AXDND1: variants seen among roughly 807,000 people sequenced by gnomAD.
AXDND1 encodes the protein axonemal dynein light chain domain-containing protein 1.
AXDND1 carries 110 observed loss-of-function variants against 137.5 expected under a neutral mutation model. The observed-to-expected ratio is 0.80, with a 90% CI of 0.69 to 0.94. The LOEUF (loss-of-function observed/expected upper bound fraction) is 0.94, where lower values mean the gene tolerates loss of function less well. Among genes scored for constraint, AXDND1 ranks in the 40% least tolerant of loss-of-function variants. The probability of loss-of-function intolerance (pLI) is 0.00; values close to 1 mark genes in which losing one functional copy is unlikely to be tolerated. For missense variants in AXDND1, 1,191 were observed against 1,169.8 expected (o/e 1.02, Z -0.26); for synonymous variants, 414 against 399.7 (o/e 1.04, Z -0.43).
At chr1:179,382,804 A>G in intron 7 of AXDND1, 48 bp downstream of exon 7, 1 of 1,370,874 alleles carries the variant, frequency 7.3e-7, no homozygotes, top group Non-Finnish European at 1.0e-6. Context: ...GAATACCTAT[A>G]TACATACACA....
chr1:179,382,591 A>T, intron 6 of AXDND1, 109 bp from the exon 7 acceptor site: 1 of 699,216 alleles, frequency 1.4e-6, no homozygotes. Context: ...CATTCCTTTT[A>T]GTGGAGAATG....
intron 16 of AXDND1, among the ~76,000 whole-genome samples, chr1:179,460,571 G>A (rs1019624642): frequency 1.3e-5 from 2 of 152,144 alleles, no homozygotes; most frequent in Admixed American, 6.5e-5. Context: ...ACCCAGCAAT[G>A]GAATGGCTGG....
chr1:179,368,780 C>T lies in AXDND1; in HGVS notation c.98-20C>T. The T allele has an allele frequency of 2.5e-6, 4 of 1,578,662 alleles. No individual in the cohort carries two copies. Among genetic ancestry groups the T allele is most frequent in the East Asian group, 4.5e-5 (2 of 44,648 alleles). Reference sequence around the variant, plus strand: ...AAAAAAATATATAGTAAGAGTTTTTCTTTTCCACTACTTACTTAGGACTTC... The same window carrying T: ...AAAAAAATATATAGTAAGAGTTTTTTTTTTCCACTACTTACTTAGGACTTC... On this transcript the variant is annotated intron_variant, in intron 2 of 25. Coordinates refer to ENST00000367618, the MANE Select transcript of AXDND1 (RefSeq NM_144696.6).
rs1204398592 is a variant in AXDND1 at position 179,481,453 on chromosome 1, T to C, written c.1998-1675T>C. Among the ~76,000 whole-genome samples, 4 of 152,234 alleles carry C rather than the reference T, an allele frequency of 2.6e-5. No individual in the cohort carries two copies. In the East Asian group the frequency reaches 7.7e-4, roughly 29 times the overall value. On this transcript the variant is annotated intron_variant, in intron 17 of 25. Coordinates refer to ENST00000367618, the MANE Select transcript of AXDND1 (RefSeq NM_144696.6). The stretch of plus-strand genomic sequence containing the variant: ...GTGCCGCAGTGAACATACGTGTGCA[T>C]GTGTCTTTATAGCAGCATGATTTAA...
rs1479394984 is a variant in AXDND1 at position 179,467,166 on chromosome 1, G to A, written c.1799-1277G>A. ...AAATTCATTAAAACATTTTTGCTCAGTGCATCATGTGTTTCTTAAGAATCC... is the reference window on the plus strand; with the variant it reads ...AAATTCATTAAAACATTTTTGCTCAATGCATCATGTGTTTCTTAAGAATCC... On this transcript the variant is annotated intron_variant, in intron 16 of 25. Coordinates refer to ENST00000367618, the MANE Select transcript of AXDND1 (RefSeq NM_144696.6). 2.0e-5 allele frequency among the ~76,000 whole-genome samples: 3 copies of A among 152,032 alleles called. No individual in the cohort carries two copies. The East Asian group carries it at 5.8e-4, about 29-fold the overall frequency.
intron 6 of AXDND1, among the ~76,000 whole-genome samples, chr1:179,380,025 A>G (rs1647982567): frequency 1.3e-5 from 2 of 152,072 alleles, no homozygotes; most frequent in South Asian, 4.1e-4. Context: ...TGAGGCGAGC[A>G]GATCACGAGG....
Position 179,379,607 on chromosome 1 carries a change from A to G in AXDND1, c.581+125A>G, listed in dbSNP as rs1647883586. ...TCAGGAGTTCAAGACCAGCCTGGTCAACATGGTGAAAGTCCGTCTCTACAG... is the reference window on the plus strand; with the variant it reads ...TCAGGAGTTCAAGACCAGCCTGGTCGACATGGTGAAAGTCCGTCTCTACAG... On this transcript the variant is annotated intron_variant, in intron 6 of 25. Coordinates refer to ENST00000367618, the MANE Select transcript of AXDND1 (RefSeq NM_144696.6). 4 of 1,219,096 alleles carry G rather than the reference A, an allele frequency of 3.3e-6. No individual in the cohort carries two copies. In the Admixed American group the frequency reaches 8.4e-5, roughly 26 times the overall value. 75.5% of individuals were successfully genotyped at this position (1,219,096 alleles called of 1,614,324 possible).
intron 4 of AXDND1, 101 bp downstream of exon 4, chr1:179,370,179 C>A: frequency 1.1e-6 from 1 of 892,774 alleles, no homozygotes; most frequent in Non-Finnish European, 1.7e-6. Context: ...ATCACTGAAT[C>A]ATAGATGATA....
At chr1:179,400,239 C>G (rs566214271) in intron 11 of AXDND1, among the ~76,000 whole-genome samples, 1 of 152,150 alleles carries the variant, frequency 6.6e-6, no homozygotes, top group Non-Finnish European at 1.5e-5. Context: ...TGGAATACCA[C>G]TCAGCCATAA....
rs12038148 is a variant in AXDND1 at position 179,484,750 on chromosome 1, A to G, written c.2091+1529A>G. ...CTTGCCCCTCCTTCCCCACCAGTGC[A>G]CATGTGCACATGCACCCTACCATGC... is the stretch of plus-strand genomic sequence containing the variant. On this transcript the variant is annotated intron_variant, in intron 18 of 25. Coordinates refer to ENST00000367618, the MANE Select transcript of AXDND1 (RefSeq NM_144696.6). 2.7e-4 allele frequency among the ~76,000 whole-genome samples: 41 copies of G among 152,236 alleles called. 2 individuals are homozygous for G. The East Asian group carries it at 4.4e-3, about 16-fold the overall frequency.
intron 5 of AXDND1, 32 bp from the exon 6 acceptor site, chr1:179,379,365 A>T (rs777614715): frequency 1.2e-6 from 2 of 1,600,434 alleles, no homozygotes; most frequent in South Asian, 2.2e-5. Flanking sequence ...TAATATATTC[A>T]TTCTTTTATT....
At chr1:179,392,433 C>T (rs1043648529) in intron 9 of AXDND1, among the ~76,000 whole-genome samples, 3 of 152,210 alleles carry the variant, frequency 2.0e-5, no homozygotes, top group Non-Finnish European at 4.4e-5. Flanking sequence ...CTACTGTAAA[C>T]ATGCATGTGC....
chr1:179,468,961 C>A (rs1180765017), intron 17 of AXDND1, among the ~76,000 whole-genome samples: 1 of 150,778 alleles, frequency 6.6e-6, no homozygotes, highest in Non-Finnish European at 1.5e-5. Context: ...CGAAGTCTTG[C>A]TCTTATTTCC....
At chr1:179,379,533 C>A (rs768443189) in intron 6 of AXDND1, 51 bp downstream of exon 6, 2 of 1,596,842 alleles carry the variant, frequency 1.3e-6, no homozygotes, top group South Asian at 2.2e-5. Flanking sequence ...GTGGCCCATG[C>A]CTGTAATCCC....
intron 16 of AXDND1, among the ~76,000 whole-genome samples, chr1:179,467,086 A>G (rs1343719843): frequency 6.6e-6 from 1 of 152,158 alleles, no homozygotes; most frequent in Admixed American, 6.5e-5. Context: ...TAATATCCCA[A>G]ATTTCCATGA....
At chr1:179,521,174 G>A (rs1462369358) in intron 21 of AXDND1, among the ~76,000 whole-genome samples, 2 of 151,550 alleles carry the variant, frequency 1.3e-5, no homozygotes, top group African/African-American at 2.4e-5. Flanking sequence ...GCCTAGGCTG[G>A]CTTGAATTCC....
chr1:179,541,676 A>G (rs1290525230), intron 25 of AXDND1, among the ~76,000 whole-genome samples: 1 of 120,684 alleles, frequency 8.3e-6, no homozygotes, highest in East Asian at 2.4e-4. Flanking sequence ...AATATGCATA[A>G]TAATATTGCA....
At chr1:179,398,952 G>A (rs1651511396) in intron 11 of AXDND1, among the ~76,000 whole-genome samples, 1 of 152,158 alleles carries the variant, frequency 6.6e-6, no homozygotes, top group Admixed American at 6.5e-5. Context: ...GCATGCTGGT[G>A]AGGCAAGGAA....
In AXDND1 at chr1:179,408,745, A is replaced by G. The variant is rs151147456; in HGVS notation, c.1110-2401A>G. On this transcript the variant is annotated intron_variant, in intron 11 of 25. Transcript: ENST00000367618. The stretch of plus-strand genomic sequence containing the variant: ...CTCCAGGCTGGAGTGCAGTTGCATG[A>G]TCATGGCTCACTGCAGCCTTGACCT... Among the ~76,000 whole-genome samples, 504 of 152,264 alleles carry G rather than the reference A, an allele frequency of 3.3e-3. 4 individuals carry two copies. The highest frequency in any genetic ancestry group is 0.012 in the African/African-American group (478 of 41,546).
Sources: allele counts gnomAD v4.1 joint callset (sites outside exome capture counted in the v4.1 genomes callset), GRCh38; gene constraint gnomAD v4.1.1; transcripts MANE v1.5; gene names NCBI Gene and HGNC (gene_info 2026-07-23, HGNC 2026-07-21).